Variants in RASEF observed in about 807,000 individuals in gnomAD.
The protein encoded by RASEF is RAS and EF-hand domain containing.
In RASEF, 68 loss-of-function variants were observed where a neutral mutation model predicts 90.1. The ratio of observed to expected loss-of-function variants is 0.75; its 90% CI spans 0.62 to 0.92. RASEF has a LOEUF of 0.92. RASEF is among the 40% of genes least tolerant of loss of function. The pLI is 0.00. For missense variants in RASEF, 949 were observed against 937.2 expected (o/e 1.01, Z -0.16); for synonymous variants, 331 against 345.2 (o/e 0.96, Z 0.46).
At chr9:83,018,833 A>G (rs1001938948) in intron 3 of RASEF, among the ~76,000 whole-genome samples, 12 of 152,216 alleles carry the variant, frequency 7.9e-5, no homozygotes, top group African/African-American at 2.9e-4. Context: ...TCAATGGAAC[A>G]GAACAGAGAG....
the RASEF span, among the ~76,000 whole-genome samples, chr9:83,108,912 A>G: frequency 1.3e-5 from 2 of 152,182 alleles, no homozygotes; most frequent in Non-Finnish European, 2.9e-5. Context: ...CAACTCTGAG[A>G]AGCCTTTCTG....
the RASEF span, among the ~76,000 whole-genome samples, chr9:83,200,287 T>C: frequency 3.9e-3 from 593 of 151,806 alleles, 2 homozygotes; most frequent in African/African-American, 0.014. Context: ...TCCCAGCTAC[T>C]TGGGAGGCTG....
the RASEF span, among the ~76,000 whole-genome samples, chr9:83,132,788 C>A: frequency 2.6e-5 from 4 of 152,176 alleles, no homozygotes; most frequent in African/African-American, 9.7e-5. Context: ...TTAATGCTCT[C>A]TTCTCATTTG....
At chr9:83,151,517 T>C in the RASEF span, among the ~76,000 whole-genome samples, 1 of 152,194 alleles carries the variant, frequency 6.6e-6, no homozygotes, top group East Asian at 1.9e-4. Flanking sequence ...GAAACAGTGT[T>C]ATATAATAGT....
intron 1 of RASEF, among the ~76,000 whole-genome samples, chr9:83,056,358 G>A (rs1436493739): frequency 6.6e-6 from 1 of 152,146 alleles, no homozygotes; most frequent in Non-Finnish European, 1.5e-5. Flanking sequence ...ATACAGTCAG[G>A]TGAGGCAGCC....
At chr9:83,164,373 ATGTG>A in the RASEF span, among the ~76,000 whole-genome samples, 4 of 141,976 alleles carry the variant, frequency 2.8e-5, no homozygotes, top group East Asian at 4.0e-4. Flanking sequence ...ATATATATAT[ATGTG>A]TGTGTGTGTG....
the RASEF span, among the ~76,000 whole-genome samples, chr9:83,148,052 T>C: frequency 1.3e-5 from 2 of 151,860 alleles, no homozygotes; most frequent in Non-Finnish European, 2.9e-5. Flanking sequence ...AAGCTAACAA[T>C]TGGGTGTGAA....
chr9:83,077,851 G>A, the RASEF span, among the ~76,000 whole-genome samples: 5 of 152,262 alleles, frequency 3.3e-5, no homozygotes, highest in South Asian at 8.3e-4. Flanking sequence ...CAGGTAGGAG[G>A]GAACAGCAGC....
the RASEF span, among the ~76,000 whole-genome samples, chr9:83,144,387 GAAAGGAAA>G: frequency 2.0e-3 from 43 of 21,876 alleles, no homozygotes; most frequent in South Asian, 5.4e-3. Context: ...AAGAAAGAAA[GAAAGGAAA>G]GAAAGAAAGA....
chr9:82,996,504 G>A (rs79125666), intron 14 of RASEF, among the ~76,000 whole-genome samples: 3,244 of 152,138 alleles, frequency 0.021, 58 homozygotes, highest in South Asian at 0.074. Context: ...CTGGTATTTC[G>A]GTAGTACCTT....
At chr9:83,180,193 G>A in the RASEF span, among the ~76,000 whole-genome samples, 1 of 152,262 alleles carries the variant, frequency 6.6e-6, no homozygotes, top group Non-Finnish European at 1.5e-5. Context: ...GTCCATAACT[G>A]AGAGGAAATA....
At chr9:83,085,424 A>G in the RASEF span, among the ~76,000 whole-genome samples, 1 of 151,412 alleles carries the variant, frequency 6.6e-6, no homozygotes. Flanking sequence ...GCTTGGGCTC[A>G]GGAGTTCAAG....
At chr9:83,092,008 T>TTTTTTTTTTTTTTTTTTTTTTC in the RASEF span, among the ~76,000 whole-genome samples, 2 of 119,272 alleles carry the variant, frequency 1.7e-5, no homozygotes, top group Admixed American at 7.6e-5. Flanking sequence ...TATTTCTTTT[T>TTTTTTTTTTTTTTTTTTTTTTC]TTTTTTTTTT....
chr9:83,119,603 A>G, the RASEF span, among the ~76,000 whole-genome samples: 1 of 151,802 alleles, frequency 6.6e-6, no homozygotes, highest in East Asian at 1.9e-4. Context: ...CAGCTGCACC[A>G]CTCTCTTTAC....
intron 1 of RASEF, among the ~76,000 whole-genome samples, chr9:83,059,269 TACAC>T (rs59546421): frequency 1.5e-3 from 191 of 129,106 alleles, no homozygotes; most frequent in South Asian, 3.8e-3. Flanking sequence ...AAATGCTCAA[TACAC>T]ACACACACAC....
intron 3 of RASEF, among the ~76,000 whole-genome samples, chr9:83,020,471 G>A (rs538174797): frequency 3.3e-5 from 5 of 152,264 alleles, no homozygotes; most frequent in Admixed American, 6.5e-5. Flanking sequence ...GGTGTGAGGC[G>A]GACACTAGGA....
chr9:83,021,619 G>A (rs977495838), intron 3 of RASEF, among the ~76,000 whole-genome samples: 5 of 152,112 alleles, frequency 3.3e-5, no homozygotes, highest in Admixed American at 6.6e-5. Flanking sequence ...ACTAAAGACC[G>A]AAAATATTTT....
At chr9:83,197,633 G>A in the RASEF span, among the ~76,000 whole-genome samples, 4,806 of 152,240 alleles carry the variant, frequency 0.032, 261 homozygotes, top group African/African-American at 0.11. Context: ...CAGATGCCAC[G>A]AGTACTCTTC....
the RASEF span, among the ~76,000 whole-genome samples, chr9:83,104,401 G>A: frequency 3.9e-5 from 6 of 152,114 alleles, no homozygotes; most frequent in African/African-American, 1.4e-4. Context: ...TCTTCATAAT[G>A]TCTTCATGGT....
Sources: gnomAD v4.1 joint callset for allele counts (sites outside exome capture counted in the v4.1 genomes callset) on GRCh38, gnomAD v4.1.1 for gene constraint, MANE v1.5 for transcripts, NCBI Gene and HGNC (gene_info 2026-07-23, HGNC 2026-07-21) for gene names.